PRKDC: variants seen among roughly 807,000 people sequenced by gnomAD.
PRKDC encodes the protein protein kinase, DNA-activated, catalytic subunit, also known as DNA-dependent protein kinase catalytic subunit.
A neutral mutation model predicts 486.9 loss-of-function variants in PRKDC; 82 were observed. The ratio of observed to expected loss-of-function variants is 0.17; its 90% CI spans 0.14 to 0.20. The LOEUF (loss-of-function observed/expected upper bound fraction) is 0.20. Ranked by LOEUF, PRKDC falls within the 10% of genes least tolerant of loss-of-function variation. PRKDC has a pLI of 1.00. For synonymous variants in PRKDC, 1,895 were observed against 1,837.0 expected (o/e 1.03, Z -0.81); for missense variants, 4,504 against 5,038.2 (o/e 0.89, Z 3.21).
intron 21 of PRKDC, among the ~76,000 whole-genome samples, chr8:47,923,168 G>A (rs1391892427): frequency 6.6e-6 from 1 of 151,720 alleles, no homozygotes; most frequent in Non-Finnish European, 1.5e-5. Flanking sequence ...GGTTCAAGTG[G>A]TTCTCTGGTC....
At chr8:47,823,724 T>C (rs754595462) in intron 64 of PRKDC, 134 bp downstream of exon 64, 45 of 1,037,268 alleles carry the variant, frequency 4.3e-5, no homozygotes, top group Non-Finnish European at 6.0e-5. Flanking sequence ...CCAATTTTCT[T>C]CCTCATCAAC....
At chr8:47,855,162 A>G in intron 50 of PRKDC, 60 bp downstream of exon 50, 7 of 1,399,816 alleles carry the variant, frequency 5.0e-6, no homozygotes, top group East Asian at 2.4e-5. Context: ...ATCATCATTT[A>G]CGACACACTA....
At chr8:47,783,544 C>A (rs72646396) in intron 78 of PRKDC, among the ~76,000 whole-genome samples, 198 bp downstream of exon 78, 5,294 of 151,560 alleles carry the variant, frequency 0.035, 124 homozygotes, top group Middle Eastern at 0.068. Context: ...GAGCCGAGAC[C>A]GTCCCATTGC....
intron 80 of PRKDC, among the ~76,000 whole-genome samples, chr8:47,781,894 C>T (rs1236856342): frequency 6.6e-6 from 1 of 152,220 alleles, no homozygotes; most frequent in African/African-American, 2.4e-5. Context: ...AAATGTTTTA[C>T]TACATGTTAT....
Position 47,864,584 on chromosome 8 carries a change from A to G in PRKDC, c.5543T>C (p.Ile1848Thr), listed in dbSNP as rs746297088. 3 of 1,610,020 alleles carry G rather than the reference A, an allele frequency of 1.9e-6. No homozygotes were observed. Among genetic ancestry groups the G allele is most frequent in the Non-Finnish European group, 2.5e-6 (3 of 1,178,568 alleles). ...TGTAAACCTGGACTTCAACACATCA[A>G]TGGCATCCACCACAATTGTGCTGAA... Reference protein sequence around the residue: ...EFFSTIVVDAIDVLKSRFTKL... With the variant: ...EFFSTIVVDATDVLKSRFTKL... The change falls in exon 41 of 86, where the codon ATT becomes ACT. Residue 1848 changes from isoleucine to threonine, a missense_variant. Physicochemically the swap from Ile to Thr is moderately conservative, Grantham distance 89. Around this residue, in one of 6 missense-constraint regions of PRKDC, gnomAD observed 1,969 missense variants for 2,068.9 expected, o/e 0.95. Coordinates refer to ENST00000314191, the MANE Select transcript of PRKDC (RefSeq NM_006904.7).
At chr8:47,889,531 C>A (rs1368633765) in intron 32 of PRKDC, among the ~76,000 whole-genome samples, 1 of 152,242 alleles carries the variant, frequency 6.6e-6, no homozygotes, top group Non-Finnish European at 1.5e-5. Flanking sequence ...GGTTTCCCCG[C>A]CCCTGACTCA....
At chr8:47,797,085 T>C (rs549341993) in intron 73 of PRKDC, among the ~76,000 whole-genome samples, 12 of 152,260 alleles carry the variant, frequency 7.9e-5, no homozygotes, top group African/African-American at 2.4e-4. Context: ...AGAGTGAGGC[T>C]TGAGTATGGG....
At chr8:47,862,593 C>A (rs2088701893) in intron 42 of PRKDC, 52 bp from the exon 43 acceptor site, 6 of 1,510,464 alleles carry the variant, frequency 4.0e-6, no homozygotes, top group Non-Finnish European at 4.5e-6. Flanking sequence ...GCAATCACTG[C>A]TCAAGCCCAA....
intron 10 of PRKDC, 38 bp downstream of exon 10, chr8:47,943,171 A>T: frequency 6.3e-7 from 1 of 1,595,306 alleles, no homozygotes; most frequent in Non-Finnish European, 8.5e-7. Flanking sequence ...TCTGTGTGTG[A>T]AAGAAATATT....
Position 47,819,530 on chromosome 8 carries a change from A to G in PRKDC, c.9337-20T>C, listed in dbSNP as rs2087534665. On this transcript the variant is annotated intron_variant, in intron 66 of 85. Transcript: ENST00000314191. ...ATAATTCTTAAAAAAAAAAAAAAAA[A>G]AAAAGGGCATTTACAAATGCCATGT... The G allele has an allele frequency of 2.2e-6, 3 of 1,345,134 alleles. No individual in the cohort carries two copies. The highest frequency in any genetic ancestry group is 3.0e-6 in the Non-Finnish European group (3 of 990,886). The allele number at this position is 1,345,134 out of a possible 1,614,324, so 83.3% of individuals were successfully genotyped here.
intron 23 of PRKDC, among the ~76,000 whole-genome samples, chr8:47,914,886 C>T (rs752345824): frequency 7.9e-5 from 12 of 151,948 alleles, no homozygotes; most frequent in African/African-American, 1.7e-4. Flanking sequence ...AACTCCTGAG[C>T]GCAGGCAATC....
At chr8:47,795,315 G>A (rs545010116) in intron 73 of PRKDC, among the ~76,000 whole-genome samples, 2 of 146,760 alleles carry the variant, frequency 1.4e-5, no homozygotes, top group African/African-American at 5.1e-5. Flanking sequence ...TCAGCCTCCC[G>A]AGTAGCTGGG....
At position 47,820,748 on chromosome 8, in the gene PRKDC, T is replaced by C. The variant is rs2154498984; in HGVS notation, c.9307A>G (p.Ile3103Val). 2.5e-6 allele frequency: 4 copies of C among 1,579,268 alleles called. No homozygotes were observed. The highest frequency in any genetic ancestry group is 3.4e-6 in the Non-Finnish European group (4 of 1,161,042). Residue 3103 changes from isoleucine to valine, a missense_variant, in exon 66 of 86, where the codon ATT becomes GTT. By Grantham distance (29) the Ile-to-Val change is conservative. Around this residue, in one of 6 missense-constraint regions of PRKDC, gnomAD observed 1,592 missense variants for 1,724.6 expected, o/e 0.92. Coordinates refer to ENST00000314191, the MANE Select transcript of PRKDC (RefSeq NM_006904.7). ...ATAAAACTCTGAATGCCATTTTGAA[T>C]GTAATATTTGGCTCTGTCAACATCA... is the stretch of plus-strand genomic sequence containing the variant. Reference protein sequence around the residue: ...QDDVDRAKYYIQNGIQSFMQN... With the variant: ...QDDVDRAKYYVQNGIQSFMQN...
At chr8:47,912,288 G>T in intron 25 of PRKDC, 122 bp downstream of exon 25, 2 of 1,112,570 alleles carry the variant, frequency 1.8e-6, no homozygotes, top group Non-Finnish European at 2.4e-6. Context: ...ACCTGGGGTA[G>T]CAGTCAGGGA....
At chr8:47,821,917 G>GA (rs953711882) in intron 64 of PRKDC, 125 bp from the exon 65 acceptor site, 6 of 903,416 alleles carry the variant, frequency 6.6e-6, no homozygotes, top group Non-Finnish European at 8.1e-6. Context: ...GGAAAGGAGA[G>GA]AGAAAAGAGA....
intron 40 of PRKDC, among the ~76,000 whole-genome samples, chr8:47,870,108 T>A (rs554330417): frequency 6.6e-6 from 1 of 151,954 alleles, no homozygotes; most frequent in Non-Finnish European, 1.5e-5. Context: ...CAGGGAGAAA[T>A]CACTGTCTTG....
rs1346298438 is a variant in PRKDC, at chr8:47,849,178, T to C, written c.7256A>G (p.Asp2419Gly). 4.3e-6 allele frequency: 7 copies of C among 1,613,830 alleles called. No individual in the cohort carries two copies. The East Asian group carries it at 1.6e-4, about 36-fold the overall frequency. ...CCTATGTCTCATGACTTGAACGAAGTCCTTGCTCTTTAACTGGAAGTACAG... is the reference window on the plus strand; with the variant it reads ...CCTATGTCTCATGACTTGAACGAAGCCCTTGCTCTTTAACTGGAAGTACAG... ...TELYFQLKSK[D>G]FVQVMRHRDD... Residue 2419 changes from aspartate to glycine, a missense_variant, in exon 54 of 86, where the codon GAC becomes GGC. Asp to Gly is a moderately conservative substitution (Grantham distance 94, BLOSUM62 -1). Around this residue, in one of 6 missense-constraint regions of PRKDC, gnomAD observed 1,592 missense variants for 1,724.6 expected, o/e 0.92. Transcript: ENST00000314191.
At chr8:47,897,315 G>C in intron 29 of PRKDC, 21 bp from the exon 30 acceptor site, 1 of 1,542,038 alleles carries the variant, frequency 6.5e-7, no homozygotes, top group African/African-American at 1.4e-5. Context: ...ACAGCATACT[G>C]TCATTAGTCC....
chr8:47,920,726 T>A (rs10106778), intron 21 of PRKDC, among the ~76,000 whole-genome samples: 1 of 152,116 alleles, frequency 6.6e-6, no homozygotes, highest in Non-Finnish European at 1.5e-5. Flanking sequence ...TGCACTTTAT[T>A]CTACTTGTGT....
Sources: allele counts gnomAD v4.1 joint callset (sites outside exome capture counted in the v4.1 genomes callset), GRCh38; gene constraint gnomAD v4.1.1; regional missense constraint gnomAD v4.1.1; transcripts MANE v1.5; gene names NCBI Gene and HGNC (gene_info 2026-07-23, HGNC 2026-07-21).